TG: variants seen among roughly 807,000 people sequenced by gnomAD.
TG encodes thyroid hormones.
In TG, 270 loss-of-function variants were observed where a neutral mutation model predicts 324.7. The observed-to-expected ratio is 0.83, with a 90% CI of 0.75 to 0.92. The LOEUF is 0.92. TG is among the 40% of genes least tolerant of loss of function. The pLI, the probability that TG is intolerant of heterozygous loss-of-function variation, is 0.00. For synonymous variants in TG, 1,401 were observed against 1,327.0 expected, an observed-to-expected ratio of 1.06 and a Z score of -1.21; for missense variants, 3,591 against 3,456.4, an observed-to-expected ratio of 1.04 and a Z score of -0.98.
At position 133,029,924 on chromosome 8, in the gene TG, G is replaced by C. The variant is rs200271929; in HGVS notation, c.7140G>C (p.Val2380=). 2.5e-6 allele frequency: 4 copies of C among 1,614,232 alleles called. No individual in the cohort carries two copies. The part of the protein sequence containing the change: ...IRGFGGDPRR[V]SLAADRGGAD... ...GATTTGGCGGGGACCCTCGGCGCGTGTCCCTGGCAGCAGACCGTGGCGGGG... is the reference window on the plus strand; with the variant it reads ...GATTTGGCGGGGACCCTCGGCGCGTCTCCCTGGCAGCAGACCGTGGCGGGG... Residue 2380 remains valine, a synonymous_variant, in exon 41 of 48, where the codon GTG becomes GTC. Transcript: ENST00000220616.
Position 132,898,225 on chromosome 8 carries a change from C to G in TG, c.3196C>G (p.Arg1066Gly), listed in dbSNP as rs200122163. Residue 1066 changes from arginine (R) to glycine (G), a missense_variant, in exon 13 of 48, where the codon CGC becomes GGC. Arg to Gly is a moderately radical substitution (Grantham distance 125). Coordinates refer to ENST00000220616, the MANE Select transcript of TG (RefSeq NM_003235.5). ...GTTCATCCCTGGCTCACTGACTGCC[C>G]GCTCTCTGCAGATTCCACAGTGTAA... ...GGFIPGSLTARSLQIPQCPTT... is the reference protein window; with the variant it reads ...GGFIPGSLTAGSLQIPQCPTT... 1.2e-6 allele frequency: 2 copies of G among 1,602,690 alleles called. No individual in the cohort carries two copies. Among genetic ancestry groups the G allele is most frequent in the East Asian group, 2.2e-5 (1 of 44,702 alleles).
chr8:132,913,965 T>A (rs1819917579), intron 20 of TG, among the ~76,000 whole-genome samples: 1 of 152,218 alleles, frequency 6.6e-6, no homozygotes, highest in South Asian at 2.1e-4. Flanking sequence ...TTCTTGAGGT[T>A]GTCTATATTT....
Position 132,886,613 on chromosome 8 carries a change from A to T in TG, c.1241A>T (p.Glu414Val). The T allele has an allele frequency of 6.2e-7, 1 of 1,614,144 alleles. No homozygotes were observed. The highest frequency in any genetic ancestry group is 2.2e-5 in the East Asian group (1 of 44,864). ...ACATCCTGCCCACCCACGATCAAGG[A>T]GCTCTTTGTGGACTCTGGGCTTCTC... The part of the protein sequence containing the change: ...FATSCPPTIK[E>V]LFVDSGLLRP... Residue 414 changes from glutamate (E) to valine (V), a missense_variant, in exon 9 of 48, where the codon GAG (glutamate) becomes GTG (valine). Glu to Val is a moderately radical substitution (Grantham distance 121). Transcript: ENST00000220616.
chr8:133,078,804 T>G (rs192199652), intron 41 of TG, among the ~76,000 whole-genome samples: 144 of 152,354 alleles, frequency 9.5e-4, no homozygotes, highest in African/African-American at 3.3e-3. Flanking sequence ...ATGTATAACC[T>G]ATATTCAGAG....
chr8:132,954,914 A>G lies in TG; in HGVS notation c.5401+5971A>G, dbSNP rs1269118753. Among the ~76,000 whole-genome samples the G allele has an allele frequency of 2.0e-5, 3 of 152,150 alleles. No homozygotes were observed. The East Asian group carries it at 5.8e-4, about 29-fold the overall frequency. ...TGGGAAGTGGGATGTAGAGATCCTG[A>G]TATCTGCCTCCTGTTAAGGAAGCTC... is the stretch of plus-strand genomic sequence containing the variant. On this transcript the variant is annotated intron_variant, in intron 27 of 47. Coordinates refer to ENST00000220616, the MANE Select transcript of TG (RefSeq NM_003235.5).
chr8:132,983,357 A>G lies in TG; in HGVS notation c.6207A>G (p.Gln2069=). 1.2e-6 allele frequency: 2 copies of G among 1,614,138 alleles called. No homozygotes were observed. The highest frequency in any genetic ancestry group is 1.1e-5 in the South Asian group (1 of 91,084). Residue 2069 remains glutamine, a synonymous_variant, in exon 35 of 48, where the codon CAA becomes CAG. Transcript: ENST00000220616. The stretch of plus-strand genomic sequence containing the variant: ...CTGCTTTTTCCTTTTCAGTTGCTCA[A>G]AATAATGCTCCCAGTTTTTGCCCTT... The part of the protein sequence containing the change: ...PFGWYQKPIA[Q]NNAPSFCPLV...
chr8:132,894,453 A>G (rs1006778356), intron 11 of TG, among the ~76,000 whole-genome samples: 14 of 151,758 alleles, frequency 9.2e-5, no homozygotes, highest in Non-Finnish European at 1.9e-4. Flanking sequence ...TAACAGCTGA[A>G]CAGTATGCTT....
At chr8:132,910,165 CAGTA>C (rs1010470957) in intron 18 of TG, among the ~76,000 whole-genome samples, 15 of 152,268 alleles carry the variant, frequency 9.9e-5, no homozygotes, top group African/African-American at 3.4e-4. Flanking sequence ...GTATGGCACA[CAGTA>C]AGGTCTGGGT....
At chr8:133,122,789 A>T (rs1851241897) in intron 45 of TG, among the ~76,000 whole-genome samples, 1 of 152,058 alleles carries the variant, frequency 6.6e-6, no homozygotes. Context: ...GGCAGCTTTG[A>T]TTTCCAAGGC....
chr8:133,023,078 C>T (rs190407181), intron 40 of TG, among the ~76,000 whole-genome samples: 84 of 152,246 alleles, frequency 5.5e-4, no homozygotes, highest in Admixed American at 1.8e-3. Context: ...AGATATCCTA[C>T]GTGCTAAGTG....
intron 41 of TG, chr8:133,038,183 T>G: frequency 3.0e-6 from 1 of 327,950 alleles, no homozygotes; most frequent in Non-Finnish European, 5.8e-6. Context: ...CAGGTCCAGT[T>G]CCTTGGAGAG....
At chr8:132,918,385 AATC>A (rs1436949757) in intron 20 of TG, among the ~76,000 whole-genome samples, 1 of 152,094 alleles carries the variant, frequency 6.6e-6, no homozygotes, top group Non-Finnish European at 1.5e-5. Context: ...TGCTAGAGAT[AATC>A]ATCACCAACT....
At chr8:132,924,077 C>T (rs940707563) in intron 22 of TG, among the ~76,000 whole-genome samples, 4 of 151,928 alleles carry the variant, frequency 2.6e-5, no homozygotes, top group Non-Finnish European at 5.9e-5. Flanking sequence ...CTCACCATAA[C>T]GTAGAATCAG....
intron 41 of TG, among the ~76,000 whole-genome samples, chr8:133,054,682 C>T (rs1389034422): frequency 6.6e-6 from 1 of 152,196 alleles, no homozygotes; most frequent in African/African-American, 2.4e-5. Context: ...TAAAAATGAA[C>T]TCCACTTGGT....
At chr8:133,029,049 C>A (rs1587804593) in intron 40 of TG, among the ~76,000 whole-genome samples, 1 of 152,134 alleles carries the variant, frequency 6.6e-6, no homozygotes, top group East Asian at 1.9e-4. Context: ...AGAATGGGAA[C>A]CTCAGATGAG....
chr8:132,967,744 C>G (rs1445523579), intron 30 of TG, 50 bp from the exon 31 acceptor site: 1 of 1,600,830 alleles, frequency 6.2e-7, no homozygotes. Context: ...AGATTATTCT[C>G]CCCTGTAGAC....
At chr8:133,100,974 G>A (rs1318404795) in intron 43 of TG, among the ~76,000 whole-genome samples, 1 of 152,156 alleles carries the variant, frequency 6.6e-6, no homozygotes, top group South Asian at 2.1e-4. Context: ...TTTTTTCTGG[G>A]AAAGAAAGGC....
intron 2 of TG, 31 bp downstream of exon 2, chr8:132,868,254 G>T: frequency 6.3e-7 from 1 of 1,596,636 alleles, no homozygotes; most frequent in Non-Finnish European, 8.6e-7. Context: ...GAACTCTCAA[G>T]GTCCAAGATG....
Position 132,898,149 on chromosome 8 carries a change from T to A in TG, c.3140-20T>A, listed in dbSNP as rs905875724. The A allele has an allele frequency of 1.9e-6, 3 of 1,586,486 alleles. No individual in the cohort carries two copies. The African/African-American group carries it at 4.0e-5, about 21-fold the overall frequency. ...TCCCTAGTGCAATTCCTGAATGTTC[T>A]CCCCTTGGCTCTTTTCCAGGGCACT... On this transcript the variant is annotated intron_variant, in intron 12 of 47. Coordinates refer to ENST00000220616, the MANE Select transcript of TG (RefSeq NM_003235.5).
Sources: gnomAD v4.1 joint callset for allele counts (sites outside exome capture counted in the v4.1 genomes callset) on GRCh38, gnomAD v4.1.1 for gene constraint, MANE v1.5 for transcripts, NCBI Gene and HGNC (gene_info 2026-07-23, HGNC 2026-07-21) for gene names.